The following TUT1 variants were observed in gnomAD, a reference collection of about 807,000 sequenced individuals.
TUT1 encodes the protein speckle targeted PIP5K1A-regulated poly(A) polymerase.
A neutral mutation model predicts 48.8 loss-of-function variants in TUT1; 26 were observed. That is an observed-to-expected ratio of 0.53 (90% confidence interval 0.39 to 0.74). The LOEUF (loss-of-function observed/expected upper bound fraction) is 0.74. Among genes scored for constraint, TUT1 ranks in the 30% least tolerant of loss-of-function variants. The probability of loss-of-function intolerance (pLI) is 0.00; values close to 1 mark genes in which losing one functional copy is unlikely to be tolerated. For synonymous variants in TUT1, 470 were observed against 460.8 expected (o/e 1.02, Z -0.26); for missense variants, 1,065 against 1,114.8 (o/e 0.96, Z 0.64).
chr11:62,575,062 A>T lies in TUT1; in HGVS notation c.*32T>A, dbSNP rs768084128. The T allele has an allele frequency of 5.2e-6, 8 of 1,546,348 alleles. No homozygotes were observed. The highest frequency in any genetic ancestry group is 7.0e-6 in the Non-Finnish European group (8 of 1,147,528). ...AAACGGGAGACTGTATTAATAAACT[A>T]GCAGCTTTATTGCCCTTCAGGGGCC... is the stretch of plus-strand genomic sequence containing the variant. On this transcript the variant is annotated 3_prime_UTR_variant, in exon 9 of 9. Transcript: ENST00000476907.
At chr11:62,591,317 A>C (rs1942009515) in intron 1 of TUT1, 87 bp downstream of exon 1, 1 of 1,448,806 alleles carries the variant, frequency 6.9e-7, no homozygotes, top group Non-Finnish European at 9.0e-7. Context: ...GACAAGAACG[A>C]CTGACTACCT....
intron 5 of TUT1, 27 bp from the exon 6 acceptor site, chr11:62,577,318 T>G (rs765630233): frequency 6.3e-7 from 1 of 1,585,068 alleles, no homozygotes; most frequent in East Asian, 2.2e-5. Context: ...ACAAGGGTGT[T>G]AGCGCTTGGG....
intron 3 of TUT1, 34 bp downstream of exon 3, chr11:62,581,352 G>C: frequency 1.3e-6 from 2 of 1,575,596 alleles, no homozygotes; most frequent in Admixed American, 1.8e-5. Flanking sequence ...CAAAGGCCAG[G>C]GAGGGCTCAG....
chr11:62,582,599 CA>C (rs916176233), intron 2 of TUT1: 17 of 452,326 alleles, frequency 3.8e-5, no homozygotes, highest in South Asian at 4.7e-5. Context: ...GACCCTGTCT[CA>C]AAAAAAAGTA....
At position 62,582,015 on chromosome 11, in the gene TUT1, C is replaced by T. The variant is rs183397397; in HGVS notation, c.274-314G>A. Among the ~76,000 whole-genome samples the T allele has an allele frequency of 5.3e-3, 798 of 151,878 alleles. 6 individuals are homozygous for T. The highest frequency in any genetic ancestry group is 0.017 in the Middle Eastern group (5 of 294). ...TTTTTTTTTTTGAGATGGAGTCTTA[C>T]TCTGTCACCCAGGCTGGAGTGCAGC... is the stretch of plus-strand genomic sequence containing the variant. On this transcript the variant is annotated intron_variant, in intron 2 of 8. Coordinates refer to ENST00000476907, the MANE Select transcript of TUT1 (RefSeq NM_022830.3).
At position 62,584,440 on chromosome 11, in the gene TUT1, C is replaced by CT. The variant is rs35237248; in HGVS notation, c.274-2740dup. Among the ~76,000 whole-genome samples the CT allele has an allele frequency of 1.9e-3, 247 of 130,080 alleles. 1 individual carries two copies. Among genetic ancestry groups the CT allele is most frequent in the East Asian group, 5.4e-3 (24 of 4,464 alleles). 85.3% of individuals were successfully genotyped at this position (130,080 alleles called of 152,430 possible). On this transcript the variant is annotated intron_variant, in intron 2 of 8. Transcript: ENST00000476907. ...ACCACACCCACCCCTAAATTGTATACTTTTTTTTTTTTTTTTTTTGAGATG... is the reference window on the plus strand; with the variant it reads ...ACCACACCCACCCCTAAATTGTATACTTTTTTTTTTTTTTTTTTTTGAGATG...
At chr11:62,576,531 G>T in intron 8 of TUT1, 126 bp downstream of exon 8, 2 of 895,654 alleles carry the variant, frequency 2.2e-6, no homozygotes, top group Non-Finnish European at 1.7e-6. Context: ...TAAAATGGCA[G>T]TAATAATATT....
At position 62,575,580 on chromosome 11, in the gene TUT1, G is replaced by T. The variant is rs1200733007; in HGVS notation, c.2139C>A (p.Asp713Glu). ...CATGCTTTCCAGTGGTCAGGGGCAG[G>T]TCCCCTGGCTGCCCAGGGCTCTGCA... ...WAMQSPGQPG[D>E]LPLTTGKHGA... The change falls in exon 9 of 9, where the codon GAC (aspartate) becomes GAA (glutamate). Residue 713 changes from aspartate (D) to glutamate (E), a missense_variant. Transcript: ENST00000476907. 3 of 1,613,942 alleles carry T rather than the reference G, an allele frequency of 1.9e-6. No homozygotes were observed. Among genetic ancestry groups the T allele is most frequent in the Non-Finnish European group, 2.5e-6 (3 of 1,180,024 alleles).
At chr11:62,585,835 C>T (rs908166324) in intron 2 of TUT1, among the ~76,000 whole-genome samples, 1 of 151,994 alleles carries the variant, frequency 6.6e-6, no homozygotes, top group African/African-American at 2.4e-5. Flanking sequence ...GTGGCGCACG[C>T]CTGTAATCCC....
intron 2 of TUT1, among the ~76,000 whole-genome samples, chr11:62,585,483 A>G (rs748577897): frequency 3.9e-5 from 6 of 152,032 alleles, no homozygotes; most frequent in African/African-American, 9.7e-5. Context: ...CTGTGCTCCT[A>G]TTTTTCTCCA....
rs762694257 is a variant in TUT1, at chr11:62,589,051, C to T, written c.253G>A (p.Val85Ile). ...YFLAFGPVAS[V>I]VMDKDKGVFA... Reference sequence around the variant, plus strand: ...TTTACCTTGTCCTTGTCCATGACAACACTGGCCACAGGTCCAAATGCTAGG... The same window carrying T: ...TTTACCTTGTCCTTGTCCATGACAATACTGGCCACAGGTCCAAATGCTAGG... The change falls in exon 2 of 9, where the codon GTT becomes ATT. Residue 85 changes from valine to isoleucine, a missense_variant. Physicochemically the swap from Val to Ile is conservative, Grantham distance 29. Coordinates refer to ENST00000476907, the MANE Select transcript of TUT1 (RefSeq NM_022830.3). 2.5e-6 allele frequency: 4 copies of T among 1,613,766 alleles called. No individual in the cohort carries two copies. Among genetic ancestry groups the T allele is most frequent in the Non-Finnish European group, 8.5e-7 (1 of 1,179,868 alleles).
chr11:62,575,773 G>C lies in TUT1; in HGVS notation c.1946C>G (p.Thr649Ser), dbSNP rs1340630127. 1 of 1,614,132 alleles carries C rather than the reference G, an allele frequency of 6.2e-7. No individual in the cohort carries two copies. The highest frequency in any genetic ancestry group is 1.1e-5 in the South Asian group (1 of 91,082). Reference protein sequence around the residue: ...TKRTRSEGGGTGESSQGGTSK... With the variant: ...TKRTRSEGGGSGESSQGGTSK... ...TGTCCCTCCCTGAGAGGACTCCCCA[G>C]TTCCACCTCCTTCTGACCGCGTTCT... is the stretch of plus-strand genomic sequence containing the variant. The change falls in exon 9 of 9, where the codon ACT (threonine) becomes AGT (serine). Residue 649 changes from threonine to serine, a missense_variant. By Grantham distance (58) the Thr-to-Ser change is moderately conservative. Transcript: ENST00000476907.
intron 2 of TUT1, among the ~76,000 whole-genome samples, chr11:62,585,777 A>G (rs1941902887): frequency 6.7e-6 from 1 of 150,356 alleles, no homozygotes; most frequent in Admixed American, 6.6e-5. Context: ...CCAGCCTGGG[A>G]GACAGAATGA....
At position 62,578,526 on chromosome 11, in the gene TUT1, C is replaced by T. The variant is rs754846077; in HGVS notation, c.1160+35G>A. ...CACCACTGTACTCCAGCCTGGGCAA[C>T]GAGTGAAATGTCGTCTCAAAAAAAA... On this transcript the variant is annotated intron_variant, in intron 5 of 8. Transcript: ENST00000476907. 4.5e-6 allele frequency: 7 copies of T among 1,540,358 alleles called. No homozygotes were observed. The South Asian group carries it at 5.0e-5, about 11-fold the overall frequency.
At position 62,576,592 on chromosome 11, in the gene TUT1, T is replaced by C. The variant is rs1941732069; in HGVS notation, c.1474+65A>G. The C allele has an allele frequency of 2.7e-5, 37 of 1,352,176 alleles. No homozygotes were observed. In the East Asian group the frequency reaches 8.1e-4, roughly 29 times the overall value. The allele number at this position is 1,352,176 out of a possible 1,614,324, so 83.8% of individuals were successfully genotyped here. ...AACCATGCCTGGCACACAGTTAGTG[T>C]GATATATGTTACCTACTGTTGATGA... is the stretch of plus-strand genomic sequence containing the variant. On this transcript the variant is annotated intron_variant, in intron 8 of 8. Transcript: ENST00000476907.
intron 4 of TUT1, 108 bp from the exon 5 acceptor site, chr11:62,579,138 AC>A (rs1220863772): frequency 1.4e-6 from 1 of 724,456 alleles, no homozygotes; most frequent in Non-Finnish European, 2.0e-6. Context: ...AGGTCTTTAT[AC>A]ATATTAACTC....
chr11:62,586,191 G>C (rs1168526308), intron 2 of TUT1, among the ~76,000 whole-genome samples: 2 of 152,224 alleles, frequency 1.3e-5, no homozygotes, highest in African/African-American at 4.8e-5. Context: ...ACCATCCATA[G>C]CTAGAGTTAC....
chr11:62,575,174 G>T lies in TUT1; in HGVS notation c.2545C>A (p.Gln849Lys). The T allele has an allele frequency of 1.2e-6, 2 of 1,608,894 alleles. No individual in the cohort carries two copies. Among genetic ancestry groups the T allele is most frequent in the Non-Finnish European group, 1.7e-6 (2 of 1,175,870 alleles). ...ADRMLTVTPL[Q>K]DPQGLFPDLH... is the part of the protein sequence containing the mutation. ...TCAGGGAACAGGCCTTGGGGATCCT[G>T]GAGCGGGGTCACAGTGAGCATTCGG... The change falls in exon 9 of 9, where the codon CAG (glutamine) becomes AAG (lysine). Residue 849 changes from glutamine (Q) to lysine (K), a missense_variant. By Grantham distance (53) the Gln-to-Lys change is moderately conservative. Coordinates refer to ENST00000476907, the MANE Select transcript of TUT1 (RefSeq NM_022830.3).
In TUT1 at chr11:62,575,142, A is replaced by C. The variant is rs768700337; in HGVS notation, c.2577T>G (p.His859Gln). 3 of 1,590,626 alleles carry C rather than the reference A, an allele frequency of 1.9e-6. No homozygotes were observed. The highest frequency in any genetic ancestry group is 1.1e-5 in the South Asian group (1 of 89,140). Reference protein sequence around the residue: ...QDPQGLFPDLHHFLQVFLPQA... With the variant: ...QDPQGLFPDLQHFLQVFLPQA... ...GAGGGAGGAAAACCTGTAAGAAATG[A>C]TGGAGATCAGGGAACAGGCCTTGGG... Residue 859 changes from histidine (H) to glutamine (Q), a missense_variant, in exon 9 of 9, where the codon CAT (histidine) becomes CAG (glutamine). Transcript: ENST00000476907.
Sources: allele counts gnomAD v4.1 joint callset (sites outside exome capture counted in the v4.1 genomes callset), GRCh38; gene constraint gnomAD v4.1.1; transcripts MANE v1.5; gene names NCBI Gene and HGNC (gene_info 2026-07-23, HGNC 2026-07-21).